Variants in MALT1 observed in about 807,000 individuals in gnomAD.
MALT1 encodes the protein MALT1 paracaspase, also known as mucosa-associated lymphoid tissue lymphoma translocation protein 1.
Under a neutral mutation model 85.5 loss-of-function variants are expected in MALT1, and 36 were observed. The ratio of observed to expected loss-of-function variants is 0.42; its 90% CI spans 0.32 to 0.56. The LOEUF (loss-of-function observed/expected upper bound fraction) is 0.56. Ranked by LOEUF, MALT1 falls within the 20% of genes least tolerant of loss-of-function variation. The pLI is 0.10. For synonymous variants in MALT1, 359 were observed against 361.3 expected (o/e 0.99, Z 0.07); for missense variants, 716 against 981.6 (o/e 0.73, Z 3.62).
At chr18:58,744,894 TCAAA>T (rs745977765) in intron 15 of MALT1, among the ~76,000 whole-genome samples, 61 of 152,080 alleles carry the variant, frequency 4.0e-4, no homozygotes, top group South Asian at 6.2e-4. Context: ...TCTGCTCTTT[TCAAA>T]CATTTAGGTT....
At chr18:58,680,586 A>G (rs527383165) in intron 1 of MALT1, among the ~76,000 whole-genome samples, 2 of 152,254 alleles carry the variant, frequency 1.3e-5, no homozygotes, top group East Asian at 3.9e-4. Flanking sequence ...CCTAAATTAA[A>G]GGCAAAAAAA....
intron 11 of MALT1, chr18:58,733,968 C>T: frequency 8.7e-7 from 1 of 1,153,706 alleles, no homozygotes; most frequent in African/African-American, 1.6e-5. Context: ...GTAGCCGAAG[C>T]AGATGTTTGG....
intron 10 of MALT1, 69 bp from the exon 11 acceptor site, chr18:58,733,328 A>G: frequency 2.0e-6 from 2 of 1,003,678 alleles, no homozygotes; most frequent in South Asian, 1.6e-5. Flanking sequence ...ACAAAAAGTT[A>G]TGCAGTCTGT....
chr18:58,716,060 A>G (rs2054894872), intron 9 of MALT1, 93 bp downstream of exon 9: 13 of 910,658 alleles, frequency 1.4e-5, no homozygotes, highest in Non-Finnish European at 2.2e-5. Flanking sequence ...TTTTTAAAGA[A>G]ATGTGAATAA....
chr18:58,698,069 T>C (rs1300911269), intron 3 of MALT1, among the ~76,000 whole-genome samples: 4 of 79,740 alleles, frequency 5.0e-5, no homozygotes, highest in Non-Finnish European at 1.4e-4. Flanking sequence ...TTTGTTTTGT[T>C]TTTTTGTTTT....
intron 10 of MALT1, among the ~76,000 whole-genome samples, chr18:58,732,069 C>T (rs1311620171): frequency 2.6e-5 from 4 of 152,066 alleles, no homozygotes; most frequent in East Asian, 1.9e-4. Context: ...TTCTCAAAGC[C>T]GCATTCTCTG....
chr18:58,731,877 A>G (rs574238069), intron 10 of MALT1, among the ~76,000 whole-genome samples: 2 of 152,286 alleles, frequency 1.3e-5, no homozygotes, highest in South Asian at 2.1e-4. Flanking sequence ...TGCCTACATG[A>G]TAACTTCCAG....
chr18:58,733,744 A>G (rs2055186718), intron 11 of MALT1, 170 bp downstream of exon 11: 2 of 745,260 alleles, frequency 2.7e-6, no homozygotes, highest in Admixed American at 6.6e-5. Flanking sequence ...TGTATATCTA[A>G]TTATTTTAAC....
At chr18:58,705,838 C>G (rs1198510650) in intron 4 of MALT1, among the ~76,000 whole-genome samples, 1 of 151,902 alleles carries the variant, frequency 6.6e-6, no homozygotes, top group Non-Finnish European at 1.5e-5. Context: ...GGGTATATAC[C>G]CAGTAATGGG....
chr18:58,731,473 A>G (rs1379597961), intron 10 of MALT1, among the ~76,000 whole-genome samples: 1 of 152,102 alleles, frequency 6.6e-6, no homozygotes, highest in Non-Finnish European at 1.5e-5. Flanking sequence ...GTGCAGTCTT[A>G]TTTTCATTCA....
chr18:58,671,580 C>A lies in MALT1; in HGVS notation c.-64C>A, dbSNP rs1480259921. On this transcript the variant is annotated 5_prime_UTR_variant, in exon 1 of 17. Transcript: ENST00000649217. ...GCTCGGAGGCGAGCGGAAGGTGCCC[C>A]GGGGCCGAGGCCCGTGACGGGGCGG... 2 of 1,103,712 alleles carry A rather than the reference C, an allele frequency of 1.8e-6. No homozygotes were observed. The highest frequency in any genetic ancestry group is 9.3e-5 in the South Asian group (2 of 21,402). The allele number at this position is 1,103,712 out of a possible 1,614,324, so 68.4% of individuals were successfully genotyped here. A position where few individuals can be genotyped will look rare whatever the true frequency, so the allele number is the denominator to read the frequency against.
At chr18:58,699,906 C>T (rs554617185) in intron 3 of MALT1, among the ~76,000 whole-genome samples, 2 of 152,288 alleles carry the variant, frequency 1.3e-5, no homozygotes, top group South Asian at 4.2e-4. Flanking sequence ...TCTGTCTAGA[C>T]CTTGAAGGAG....
chr18:58,679,689 A>G (rs2054292074), intron 1 of MALT1, among the ~76,000 whole-genome samples: 1 of 152,132 alleles, frequency 6.6e-6, no homozygotes, highest in Non-Finnish European at 1.5e-5. Context: ...CTGGGACTAC[A>G]GGCGTGCACC....
At chr18:58,729,457 C>T (rs1313685550) in intron 10 of MALT1, among the ~76,000 whole-genome samples, 2 of 146,298 alleles carry the variant, frequency 1.4e-5, no homozygotes, top group African/African-American at 5.1e-5. Flanking sequence ...CCATTGCACT[C>T]CAGCCTGGGC....
At chr18:58,674,949 G>A (rs1453299652) in intron 1 of MALT1, among the ~76,000 whole-genome samples, 1 of 152,156 alleles carries the variant, frequency 6.6e-6, no homozygotes, top group East Asian at 1.9e-4. Context: ...CAAGAAAAGA[G>A]CCCGTTCAAA....
intron 15 of MALT1, 123 bp from the exon 16 acceptor site, chr18:58,745,543 C>T: frequency 3.7e-6 from 3 of 801,070 alleles, no homozygotes; most frequent in Non-Finnish European, 1.9e-6. Flanking sequence ...TTGGGATTAC[C>T]AAAATTCACG....
intron 9 of MALT1, among the ~76,000 whole-genome samples, chr18:58,718,016 A>G (rs2054928289): frequency 1.3e-5 from 2 of 152,214 alleles, no homozygotes; most frequent in African/African-American, 2.4e-5. Context: ...TGCATTTAAT[A>G]GTAATGCTAA....
chr18:58,684,782 A>G (rs1215574949), intron 2 of MALT1, among the ~76,000 whole-genome samples: 2 of 152,206 alleles, frequency 1.3e-5, no homozygotes, highest in African/African-American at 4.8e-5. Context: ...ATAAAGAAAT[A>G]TAAGAATTAC....
At chr18:58,710,453 G>T (rs1270924325) in intron 6 of MALT1, among the ~76,000 whole-genome samples, 1 of 152,104 alleles carries the variant, frequency 6.6e-6, no homozygotes, top group Non-Finnish European at 1.5e-5. Flanking sequence ...GGAGGCCAAA[G>T]GTTGGTGGTT....
Sources: gnomAD v4.1 joint callset for allele counts (sites outside exome capture counted in the v4.1 genomes callset) on GRCh38, gnomAD v4.1.1 for gene constraint, MANE v1.5 for transcripts, NCBI Gene and HGNC (gene_info 2026-07-23, HGNC 2026-07-21) for gene names.